The following CCDC171 variants were observed in gnomAD, a reference collection of about 807,000 sequenced individuals.
CCDC171 encodes the protein coiled-coil domain containing 171, also known as coiled-coil domain-containing protein 171.
A neutral mutation model predicts 168.2 loss-of-function variants in CCDC171; 177 were observed. The observed-to-expected ratio is 1.05, with a 90% CI of 0.93 to 1.19. The LOEUF (loss-of-function observed/expected upper bound fraction) is 1.19. Among genes scored for constraint, CCDC171 ranks in the 50% most tolerant of loss-of-function variants. The pLI, the probability that CCDC171 is intolerant of heterozygous loss-of-function variation, is 0.00. For missense variants in CCDC171, 1,991 were observed against 1,539.0 expected (o/e 1.29, Z -4.91); for synonymous variants, 687 against 540.8 (o/e 1.27, Z -3.75).
At chr9:15,867,231 G>A (rs2061827903) in intron 23 of CCDC171, among the ~76,000 whole-genome samples, 2 of 151,962 alleles carry the variant, frequency 1.3e-5, no homozygotes, top group African/African-American at 2.4e-5. Flanking sequence ...TGAAGACACT[G>A]TATAACCAAA....
chr9:15,961,069 G>C (rs1477489916), intron 25 of CCDC171, among the ~76,000 whole-genome samples: 1 of 152,138 alleles, frequency 6.6e-6, no homozygotes, highest in Non-Finnish European at 1.5e-5. Flanking sequence ...AGTTTTTTGA[G>C]ATGTGTGATT....
At chr9:15,600,197 G>A (rs1351462933) in intron 6 of CCDC171, among the ~76,000 whole-genome samples, 1 of 152,196 alleles carries the variant, frequency 6.6e-6, no homozygotes, top group African/African-American at 2.4e-5. Flanking sequence ...TGTTCCTTTA[G>A]AGGGGGAGAG....
chr9:15,934,447 A>C (rs954954335), intron 25 of CCDC171, among the ~76,000 whole-genome samples: 4 of 151,892 alleles, frequency 2.6e-5, no homozygotes, highest in African/African-American at 9.7e-5. Context: ...AGGAAATGCA[A>C]ATCAAAACCA....
rs1338187243 is a variant in CCDC171, at chr9:15,821,013, G to T, written c.3268-25689G>T. Among the ~76,000 whole-genome samples the T allele has an allele frequency of 2.6e-5, 3 of 117,212 alleles. 1 individual carries two copies. Among genetic ancestry groups the T allele is most frequent in the Non-Finnish European group, 5.7e-5 (3 of 52,274 alleles). The allele number at this position is 117,212 out of a possible 152,430, so 76.9% of individuals were successfully genotyped here. On this transcript the variant is annotated intron_variant, in intron 21 of 25. Transcript: ENST00000380701. Reference sequence around the variant, plus strand: ...ATGATCAAGTGGGCTTCATCCCTGGGATGCAAGGCTGGTTCAACATATGAA... The same window carrying T: ...ATGATCAAGTGGGCTTCATCCCTGGTATGCAAGGCTGGTTCAACATATGAA...
chr9:16,016,847 A>G (rs1255729388), intron 3 of CCDC171, among the ~76,000 whole-genome samples: 1 of 152,238 alleles, frequency 6.6e-6, no homozygotes, highest in Non-Finnish European at 1.5e-5. Flanking sequence ...GCCATCTAGG[A>G]GTAAAAATTA....
intron 25 of CCDC171, among the ~76,000 whole-genome samples, chr9:15,952,493 G>C (rs1829310871): frequency 6.6e-6 from 1 of 152,120 alleles, no homozygotes; most frequent in African/African-American, 2.4e-5. Flanking sequence ...GGTCTGCTGG[G>C]TTCAAGTGAT....
chr9:15,613,118 T>G (rs925112932), intron 6 of CCDC171, among the ~76,000 whole-genome samples: 1 of 152,208 alleles, frequency 6.6e-6, no homozygotes, highest in African/African-American at 2.4e-5. Context: ...ATGGTTAGCT[T>G]TTTGAGGAAC....
chr9:15,721,444 A>G (rs2053469887), intron 11 of CCDC171, among the ~76,000 whole-genome samples: 2 of 151,652 alleles, frequency 1.3e-5, no homozygotes, highest in African/African-American at 4.8e-5. Flanking sequence ...GGAGACATGA[A>G]AACAAAAACA....
chr9:15,799,667 A>G (rs2058725996), intron 21 of CCDC171, among the ~76,000 whole-genome samples: 1 of 151,982 alleles, frequency 6.6e-6, no homozygotes, highest in Admixed American at 6.6e-5. Flanking sequence ...TTAAATTGTT[A>G]TTGACTGTAG....
In CCDC171 at chr9:15,721,930, G is replaced by A. The variant is rs973906888; in HGVS notation, c.1425+55G>A. Reference sequence around the variant, plus strand: ...TATAGCCTTCGGCCTGTACCAGTACGTATTCCTTGCTTGTTACAAAGGTCA... The same window carrying A: ...TATAGCCTTCGGCCTGTACCAGTACATATTCCTTGCTTGTTACAAAGGTCA... On this transcript the variant is annotated intron_variant, in intron 12 of 25. Transcript: ENST00000380701. 2.6e-5 allele frequency: 21 copies of A among 822,582 alleles called. No homozygotes were observed. The East Asian group carries it at 3.0e-4, about 12-fold the overall frequency. The allele number at this position is 822,582 out of a possible 1,614,324, so 51.0% of individuals were successfully genotyped here. A position where few individuals can be genotyped will look rare whatever the true frequency, so the allele number is the denominator to read the frequency against.
intron 3 of CCDC171, among the ~76,000 whole-genome samples, chr9:16,015,577 C>T (rs1030756304): frequency 5.9e-5 from 9 of 152,174 alleles, no homozygotes; most frequent in African/African-American, 1.9e-4. Flanking sequence ...TGCCCTTCCT[C>T]CTCACTGTAC....
At chr9:16,068,774 G>A in the CCDC171 span, among the ~76,000 whole-genome samples, 31,210 of 151,776 alleles carry the variant, frequency 0.21, 3,881 homozygotes, top group African/African-American at 0.34. Flanking sequence ...ATTCTGCCAG[G>A]ATACGATGTA....
At chr9:15,593,260 T>G (rs2042122065) in intron 5 of CCDC171, among the ~76,000 whole-genome samples, 1 of 152,186 alleles carries the variant, frequency 6.6e-6, no homozygotes. Context: ...GCATGTAAAC[T>G]ATAGACTTTT....
At chr9:15,636,053 CATTTT>C (rs1454021450) in intron 7 of CCDC171, among the ~76,000 whole-genome samples, 1 of 152,130 alleles carries the variant, frequency 6.6e-6, no homozygotes, top group Non-Finnish European at 1.5e-5. Context: ...TGTTGAATAT[CATTTT>C]ATGTGCTTAT....
intron 3 of CCDC171, among the ~76,000 whole-genome samples, chr9:15,999,484 A>G (rs1220811764): frequency 1.3e-5 from 2 of 152,170 alleles, no homozygotes; most frequent in East Asian, 3.9e-4. Flanking sequence ...TAGTGCCATC[A>G]GAACAAGGTT....
At position 15,745,592 on chromosome 9, in the gene CCDC171, A is replaced by G. The variant is rs1480938315; in HGVS notation, c.2632A>G (p.Ser878Gly). The G allele has an allele frequency of 1.9e-6, 3 of 1,586,020 alleles. No individual in the cohort carries two copies. The highest frequency in any genetic ancestry group is 1.4e-5 in the African/African-American group (1 of 73,052). The change falls in exon 18 of 26, where the codon AGT becomes GGT. Residue 878 changes from serine to glycine, a missense_variant. By Grantham distance (56) the Ser-to-Gly change is moderately conservative. Transcript: ENST00000380701. The part of the protein sequence containing the change: ...TSSDLLAAII[S>G]SMAELQDVIG... Reference sequence around the variant, plus strand: ...TTCTGACCTTCTTGCTGCAATAATCAGTTCTATGGCTGAATTACAAGACGT... The same window carrying G: ...TTCTGACCTTCTTGCTGCAATAATCGGTTCTATGGCTGAATTACAAGACGT...
chr9:15,584,543 G>A (rs374776870), intron 4 of CCDC171, among the ~76,000 whole-genome samples: 114 of 152,304 alleles, frequency 7.5e-4, no homozygotes, highest in African/African-American at 2.5e-3. Context: ...TGTTTGTTCA[G>A]TAGCATTTCT....
chr9:15,618,577 C>G (rs1479203607), intron 6 of CCDC171, among the ~76,000 whole-genome samples: 1 of 152,176 alleles, frequency 6.6e-6, no homozygotes, highest in East Asian at 1.9e-4. Flanking sequence ...TACGAAAAAA[C>G]TCCTGCAGCT....
intron 3 of CCDC171, among the ~76,000 whole-genome samples, chr9:15,992,224 T>A (rs1472023692): frequency 6.6e-6 from 1 of 152,194 alleles, no homozygotes; most frequent in East Asian, 1.9e-4. Context: ...TCAAAAAGCT[T>A]ATCCACCATG....
Sources: allele counts gnomAD v4.1 joint callset (sites outside exome capture counted in the v4.1 genomes callset), GRCh38; gene constraint gnomAD v4.1.1; transcripts MANE v1.5; gene names NCBI Gene and HGNC (gene_info 2026-07-23, HGNC 2026-07-21).